COL23A1: variants seen among roughly 807,000 people sequenced by gnomAD.
COL23A1 encodes the protein collagen alpha-1(XXIII) chain.
Under a neutral mutation model 99.3 loss-of-function variants are expected in COL23A1, and 97 were observed. That is an observed-to-expected ratio of 0.98 (90% CI 0.83 to 1.16). The LOEUF is 1.16. COL23A1 is among the 50% of genes most tolerant of loss of function. COL23A1 has a pLI of 0.00. For missense variants in COL23A1, 762 were observed against 757.4 expected (o/e 1.01, Z -0.07); for synonymous variants, 320 against 308.2 (o/e 1.04, Z -0.40).
intron 5 of COL23A1, among the ~76,000 whole-genome samples, chr5:178,285,922 G>A (rs1283915928): frequency 6.6e-6 from 1 of 152,266 alleles, no homozygotes; most frequent in Non-Finnish European, 1.5e-5. Context: ...TTCCTCGAAT[G>A]GGGAAGCTGA....
intron 2 of COL23A1, among the ~76,000 whole-genome samples, chr5:178,390,856 A>C (rs1763926739): frequency 2.0e-5 from 3 of 152,260 alleles, no homozygotes; most frequent in Non-Finnish European, 4.4e-5. Context: ...GTAAATCTTC[A>C]TGATCTTGGT....
At chr5:178,334,283 C>T (rs1057476963) in intron 2 of COL23A1, among the ~76,000 whole-genome samples, 1 of 152,202 alleles carries the variant, frequency 6.6e-6, no homozygotes, top group Non-Finnish European at 1.5e-5. Context: ...GCAAGACGAC[C>T]CACAACAATT....
At chr5:178,425,336 C>T (rs371091621) in intron 2 of COL23A1, among the ~76,000 whole-genome samples, 2 of 151,788 alleles carry the variant, frequency 1.3e-5, no homozygotes, top group Non-Finnish European at 2.9e-5. Context: ...GCAGGAGAAT[C>T]GCTTGAACCC....
chr5:178,518,885 GAC>G (rs1759774324), intron 2 of COL23A1, among the ~76,000 whole-genome samples: 1 of 149,254 alleles, frequency 6.7e-6, no homozygotes. Flanking sequence ...CAAAGACTGA[GAC>G]AGCTCCGCTG....
At chr5:178,370,969 G>C (rs550644972) in intron 2 of COL23A1, among the ~76,000 whole-genome samples, 1 of 152,204 alleles carries the variant, frequency 6.6e-6, no homozygotes, top group East Asian at 1.9e-4. Context: ...TGTATAACAT[G>C]ATGACTGTGG....
chr5:178,442,310 T>C (rs1333508847), intron 2 of COL23A1, among the ~76,000 whole-genome samples: 3 of 152,244 alleles, frequency 2.0e-5, no homozygotes, highest in East Asian at 3.9e-4. Flanking sequence ...ATGAGGAAAA[T>C]TGCCTTTGAC....
At chr5:178,455,685 G>A (rs535012663) in intron 2 of COL23A1, among the ~76,000 whole-genome samples, 12 of 151,992 alleles carry the variant, frequency 7.9e-5, no homozygotes, top group Non-Finnish European at 1.2e-4. Flanking sequence ...CCACGCGGAC[G>A]GACCGCACCT....
chr5:178,517,873 C>CTTTTTTTTTTTTTT (rs71577021), intron 2 of COL23A1, among the ~76,000 whole-genome samples: 2 of 97,736 alleles, frequency 2.0e-5, no homozygotes, highest in Non-Finnish European at 3.8e-5. Context: ...AACAGCGGTT[C>CTTTTTTTTTTTTTT]TTTTTTTTTT....
intron 17 of COL23A1, among the ~76,000 whole-genome samples, chr5:178,251,996 C>G (rs1765063200): frequency 6.6e-6 from 1 of 151,298 alleles, no homozygotes; most frequent in Non-Finnish European, 1.5e-5. Context: ...TCATTGCGAC[C>G]TCTGCCTCCC....
intron 12 of COL23A1, 89 bp downstream of exon 12, chr5:178,259,632 T>TC: frequency 2.2e-5 from 11 of 501,672 alleles, no homozygotes; most frequent in East Asian, 5.0e-5. Flanking sequence ...CCCGTCCCCA[T>TC]CCCCATCCCC....
intron 2 of COL23A1, among the ~76,000 whole-genome samples, chr5:178,525,957 T>C (rs1004308304): frequency 1.3e-5 from 2 of 152,164 alleles, no homozygotes; most frequent in African/African-American, 4.8e-5. Flanking sequence ...CATATACCTC[T>C]AGAGGGAAAG....
intron 1 of COL23A1, among the ~76,000 whole-genome samples, chr5:178,567,162 T>C (rs1356005833): frequency 6.6e-6 from 1 of 152,228 alleles, no homozygotes; most frequent in African/African-American, 2.4e-5. Context: ...GATATGTGCA[T>C]ATAGAGGAGT....
chr5:178,408,327 T>A (rs572505813), intron 2 of COL23A1, among the ~76,000 whole-genome samples: 1 of 151,896 alleles, frequency 6.6e-6, no homozygotes, highest in African/African-American at 2.4e-5. Context: ...CTAAAGCAAA[T>A]TCAAAACTGG....
At chr5:178,575,672 G>T (rs1763313437) in intron 1 of COL23A1, among the ~76,000 whole-genome samples, 1 of 152,202 alleles carries the variant, frequency 6.6e-6, no homozygotes, top group Non-Finnish European at 1.5e-5. Flanking sequence ...CATAGACAAG[G>T]CACCTGCCAC....
intron 2 of COL23A1, among the ~76,000 whole-genome samples, chr5:178,334,767 A>G (rs1110163): frequency 0.48 from 72,639 of 151,878 alleles, 18,228 homozygotes; most frequent in East Asian, 0.8. Context: ...GTATTTTCAC[A>G]TATGTTGTCT....
At chr5:178,360,773 G>A (rs1003972270) in intron 2 of COL23A1, among the ~76,000 whole-genome samples, 1 of 152,216 alleles carries the variant, frequency 6.6e-6, no homozygotes, top group Non-Finnish European at 1.5e-5. Context: ...TGCACCGGCT[G>A]CTGCTATACT....
intron 7 of COL23A1, 53 bp from the exon 8 acceptor site, chr5:178,267,386 C>T (rs1395673751): frequency 6.3e-7 from 1 of 1,591,590 alleles, no homozygotes; most frequent in Admixed American, 1.7e-5. Context: ...CGTTTCTTCA[C>T]ATTTCCCGTC....
intron 2 of COL23A1, among the ~76,000 whole-genome samples, chr5:178,343,152 G>A (rs1760763927): frequency 6.6e-6 from 1 of 152,180 alleles, no homozygotes; most frequent in Non-Finnish European, 1.5e-5. Context: ...GCCACATAAA[G>A]ACCCACGTGG....
intron 9 of COL23A1, 115 bp downstream of exon 9, chr5:178,263,093 T>G (rs1765720978): frequency 1.8e-5 from 15 of 824,824 alleles, no homozygotes; most frequent in Non-Finnish European, 3.2e-5. Context: ...GGATTAGGGT[T>G]AAGGATAGTG....
Sources: gnomAD v4.1 joint callset for allele counts (sites outside exome capture counted in the v4.1 genomes callset) on GRCh38, gnomAD v4.1.1 for gene constraint, MANE v1.5 for transcripts, NCBI Gene and HGNC (gene_info 2026-07-23, HGNC 2026-07-21) for gene names.